Variants in SLC27A2 observed in about 807,000 individuals in gnomAD.
SLC27A2 encodes solute carrier family 27 member 2.
SLC27A2 carries 54 observed loss-of-function variants against 60.0 expected under a neutral mutation model. That is an observed-to-expected ratio of 0.90 (90% confidence interval 0.72 to 1.13). The LOEUF (loss-of-function observed/expected upper bound fraction) is 1.13, where lower values mean the gene tolerates loss of function less well. Among genes scored for constraint, SLC27A2 ranks in the 50% most tolerant of loss-of-function variants. The probability of loss-of-function intolerance (pLI) is 0.00; values close to 1 mark genes in which losing one functional copy is unlikely to be tolerated. For missense variants in SLC27A2, 739 were observed against 777.6 expected, an observed-to-expected ratio of 0.95 and a Z score of 0.59; for synonymous variants, 297 against 297.6, an observed-to-expected ratio of 1.00 and a Z score of 0.02.
chr15:50,203,607 T>C (rs1342709605), intron 3 of SLC27A2, among the ~76,000 whole-genome samples: 1 of 152,180 alleles, frequency 6.6e-6, no homozygotes, highest in African/African-American at 2.4e-5. Flanking sequence ...CATATATGTA[T>C]ATATAAAAAT....
rs1365411573 is a variant in SLC27A2 at position 50,220,053 on chromosome 15, C to T, written c.973-2912C>T. On this transcript the variant is annotated intron_variant, in intron 4 of 9. Coordinates refer to ENST00000267842, the MANE Select transcript of SLC27A2 (RefSeq NM_003645.4). ...AGGTGAGAACCAGACATCTTAGAAGCCTCCAGGATCTCCCATTTGTGCCCA... is the reference window on the plus strand; with the variant it reads ...AGGTGAGAACCAGACATCTTAGAAGTCTCCAGGATCTCCCATTTGTGCCCA... 2.0e-5 allele frequency among the ~76,000 whole-genome samples: 3 copies of T among 152,192 alleles called. No individual in the cohort carries two copies. In the South Asian group the frequency reaches 6.2e-4, roughly 32 times the overall value.
intron 1 of SLC27A2, among the ~76,000 whole-genome samples, chr15:50,194,406 A>G (rs1239970325): frequency 2.6e-5 from 4 of 152,172 alleles, no homozygotes; most frequent in East Asian, 3.9e-4. Context: ...GGGATTTTCC[A>G]TAGATCAATG....
chr15:50,220,677 C>T (rs1461099804), intron 4 of SLC27A2, among the ~76,000 whole-genome samples: 2 of 152,152 alleles, frequency 1.3e-5, no homozygotes, highest in Non-Finnish European at 2.9e-5. Flanking sequence ...AGGGGGTGGT[C>T]TCTGAATACT....
intron 2 of SLC27A2, 23 bp from the exon 3 acceptor site, chr15:50,202,464 C>A (rs1186045851): frequency 2.5e-6 from 4 of 1,613,224 alleles, no homozygotes; most frequent in South Asian, 2.2e-5. Context: ...TTAACTCATG[C>A]CTTCTCTTGT....
At chr15:50,198,790 T>G (rs1368982818) in intron 2 of SLC27A2, among the ~76,000 whole-genome samples, 2 of 152,200 alleles carry the variant, frequency 1.3e-5, no homozygotes, top group Non-Finnish European at 2.9e-5. Flanking sequence ...TTCTCCTTGT[T>G]AAATAATCAA....
chr15:50,215,437 A>G (rs1440903209), intron 4 of SLC27A2, among the ~76,000 whole-genome samples: 1 of 152,012 alleles, frequency 6.6e-6, no homozygotes, highest in Non-Finnish European at 1.5e-5. Flanking sequence ...TACCACCATC[A>G]TCCTTCACAG....
At chr15:50,211,895 C>T (rs950324495) in intron 4 of SLC27A2, among the ~76,000 whole-genome samples, 3 of 149,014 alleles carry the variant, frequency 2.0e-5, no homozygotes, top group South Asian at 2.2e-4. Flanking sequence ...CACAGTGAAA[C>T]CCCTTCTCTA....
At chr15:50,199,361 C>T (rs1027007726) in intron 2 of SLC27A2, among the ~76,000 whole-genome samples, 2 of 151,740 alleles carry the variant, frequency 1.3e-5, no homozygotes, top group Non-Finnish European at 2.9e-5. Flanking sequence ...GTAGTCCCAG[C>T]TACTCAGGAG....
At chr15:50,215,094 G>C (rs2045185225) in intron 4 of SLC27A2, among the ~76,000 whole-genome samples, 1 of 152,020 alleles carries the variant, frequency 6.6e-6, no homozygotes, top group Admixed American at 6.6e-5. Context: ...AAGTTCCTAG[G>C]ACTGATAAAA....
chr15:50,205,568 T>G (rs911045110), intron 4 of SLC27A2, among the ~76,000 whole-genome samples: 11 of 152,070 alleles, frequency 7.2e-5, no homozygotes, highest in Admixed American at 7.2e-4. Context: ...TGATGATGAT[T>G]ATTTCCTGCC....
chr15:50,218,687 CA>C (rs1299521378), intron 4 of SLC27A2, among the ~76,000 whole-genome samples: 1 of 151,590 alleles, frequency 6.6e-6, no homozygotes, highest in Non-Finnish European at 1.5e-5. Flanking sequence ...CAAGTCTCCA[CA>C]AAAAAATAGT....
chr15:50,195,271 C>A (rs934178062), intron 1 of SLC27A2, among the ~76,000 whole-genome samples: 10 of 149,984 alleles, frequency 6.7e-5, no homozygotes, highest in African/African-American at 2.5e-4. Flanking sequence ...TCGAGACCAT[C>A]CTGGCTAACA....
chr15:50,218,330 T>C (rs1376325038), intron 4 of SLC27A2, among the ~76,000 whole-genome samples: 1 of 151,980 alleles, frequency 6.6e-6, no homozygotes, highest in African/African-American at 2.4e-5. Flanking sequence ...AATTAGAGAC[T>C]AATCAAAGAG....
Position 50,227,193 on chromosome 15 carries a change from A to T in SLC27A2, c.1457+15A>T. The T allele has an allele frequency of 1.2e-6, 2 of 1,606,212 alleles. No homozygotes were observed. The highest frequency in any genetic ancestry group is 1.7e-6 in the Non-Finnish European group (2 of 1,173,598). On this transcript the variant is annotated intron_variant, in intron 7 of 9. Transcript: ENST00000267842. ...GATACATTCCGGTTGGTTTTTCTGA[A>T]TCATTGAGCCAAAAACAAACACACG...
chr15:50,194,759 T>C (rs2045000597), intron 1 of SLC27A2, among the ~76,000 whole-genome samples: 1 of 152,130 alleles, frequency 6.6e-6, no homozygotes, highest in Non-Finnish European at 1.5e-5. Flanking sequence ...GTAACCTTTC[T>C]GGAGTGCTGA....
Position 50,235,808 on chromosome 15 carries a change from G to A in SLC27A2, c.1687-112G>A, listed in dbSNP as rs2045347596. The A allele has an allele frequency of 5.6e-6, 4 of 715,716 alleles. No homozygotes were observed. In the East Asian group the frequency reaches 1.0e-4, roughly 19 times the overall value. The allele number at this position is 715,716 out of a possible 1,614,324, so 44.3% of individuals were successfully genotyped here. On this transcript the variant is annotated intron_variant, in intron 9 of 9. Coordinates refer to ENST00000267842, the MANE Select transcript of SLC27A2 (RefSeq NM_003645.4). Reference sequence around the variant, plus strand: ...CTTTCACTTCCCAGCTCTCACATGAGCCAGGGATGCTAATGATTTGCTAGA... The same window carrying A: ...CTTTCACTTCCCAGCTCTCACATGAACCAGGGATGCTAATGATTTGCTAGA...
chr15:50,213,336 G>A (rs1007725997), intron 4 of SLC27A2, among the ~76,000 whole-genome samples: 1 of 152,052 alleles, frequency 6.6e-6, no homozygotes, highest in Non-Finnish European at 1.5e-5. Flanking sequence ...AAATAAGATA[G>A]ACAGCAACAC....
Position 50,236,291 on chromosome 15 carries a change from G to A in SLC27A2, c.*195G>A. ...GATTTAGAGATTATTATTTTTCAGTGTGCACCTACTGTTTGTATTTGCAAA... is the reference window on the plus strand; with the variant it reads ...GATTTAGAGATTATTATTTTTCAGTATGCACCTACTGTTTGTATTTGCAAA... On this transcript the variant is annotated 3_prime_UTR_variant, in exon 10 of 10. Coordinates refer to ENST00000267842, the MANE Select transcript of SLC27A2 (RefSeq NM_003645.4). 2.2e-6 allele frequency: 1 copy of A among 452,862 alleles called. No individual in the cohort carries two copies. Among genetic ancestry groups the A allele is most frequent in the Non-Finnish European group, 3.8e-6 (1 of 260,330 alleles). The allele number at this position is 452,862 out of a possible 1,614,324, so 28.1% of individuals were successfully genotyped here.
intron 4 of SLC27A2, among the ~76,000 whole-genome samples, chr15:50,218,109 A>G (rs965353128): frequency 1.7e-4 from 25 of 150,162 alleles, no homozygotes; most frequent in Non-Finnish European, 2.7e-4. Context: ...TTTTTAATGT[A>G]TCATTAATAT....
Sources: gnomAD v4.1 joint callset for allele counts (sites outside exome capture counted in the v4.1 genomes callset) on GRCh38, gnomAD v4.1.1 for gene constraint, MANE v1.5 for transcripts, NCBI Gene and HGNC (gene_info 2026-07-23, HGNC 2026-07-21) for gene names.